The following TRDMT1 variants were observed in gnomAD, a reference collection of about 807,000 sequenced individuals.
The protein encoded by TRDMT1 is tRNA (cytosine(38)-C(5))-methyltransferase.
Under a neutral mutation model 51.2 loss-of-function variants are expected in TRDMT1, and 49 were observed. The observed-to-expected ratio is 0.96, with a 90% CI of 0.76 to 1.21. The LOEUF (loss-of-function observed/expected upper bound fraction) is 1.21, where lower values mean the gene tolerates loss of function less well. TRDMT1 is among the 50% of genes most tolerant of loss of function. TRDMT1 has a pLI of 0.00. For synonymous variants in TRDMT1, 187 were observed against 164.6 expected, an observed-to-expected ratio of 1.14 and a Z score of -1.04; for missense variants, 534 against 462.3, an observed-to-expected ratio of 1.16 and a Z score of -1.42.
Position 17,146,550 on chromosome 10 carries a change from A to G in TRDMT1, c.*2490T>C. ...GTTTTGGATCCTGAAGACATACTAA[A>G]AATATGAAGCAGGGTAATAAATACC... is the stretch of plus-strand genomic sequence containing the variant. On this transcript the variant is annotated 3_prime_UTR_variant, in exon 11 of 11. Coordinates refer to ENST00000377799, the MANE Select transcript of TRDMT1 (RefSeq NM_004412.7). 2.0e-6 allele frequency: 2 copies of G among 985,104 alleles called. No homozygotes were observed. The highest frequency in any genetic ancestry group is 1.2e-6 in the Non-Finnish European group (1 of 829,594). The allele number at this position is 985,104 out of a possible 1,614,324, so 61.0% of individuals were successfully genotyped here.
Position 17,146,561 on chromosome 10 carries a change from A to G in TRDMT1, c.*2479T>C. The G allele has an allele frequency of 2.0e-6, 2 of 985,154 alleles. No individual in the cohort carries two copies. The highest frequency in any genetic ancestry group is 4.7e-5 in the South Asian group (1 of 21,284). 61.0% of individuals were successfully genotyped at this position (985,154 alleles called of 1,614,324 possible). On this transcript the variant is annotated 3_prime_UTR_variant, in exon 11 of 11. Transcript: ENST00000377799. ...TGAAGACATACTAAAAATATGAAGC[A>G]GGGTAATAAATACCTTACAATTATC...
In TRDMT1 at chr10:17,137,903, AG is replaced by A. The variant is rs1485163716; in HGVS notation, c.*11136del. On this transcript the variant is annotated 3_prime_UTR_variant, in exon 11 of 11. Coordinates refer to ENST00000377799, the MANE Select transcript of TRDMT1 (RefSeq NM_004412.7). ...ACCTTGAAGGAAAGTGGCTGGGTAA[AG>A]GAAGAGACATCGACAGAAGGCCTTA... is the stretch of plus-strand genomic sequence containing the variant. 6.6e-6 allele frequency among the ~76,000 whole-genome samples: 1 copy of A among 152,172 alleles called. No individual in the cohort carries two copies. The highest frequency in any genetic ancestry group is 1.5e-5 in the Non-Finnish European group (1 of 68,030).
chr10:17,148,464 G>A lies in TRDMT1; in HGVS notation c.*576C>T. The stretch of plus-strand genomic sequence containing the variant: ...CCAACAGTTTCTGTGGCCGCTTCAT[G>A]GAGAGGTAATCAAACATTTAGGATT... On this transcript the variant is annotated 3_prime_UTR_variant, in exon 11 of 11. Coordinates refer to ENST00000377799, the MANE Select transcript of TRDMT1 (RefSeq NM_004412.7). The A allele has an allele frequency of 1.0e-6, 1 of 985,422 alleles. No individual in the cohort carries two copies. The highest frequency in any genetic ancestry group is 1.2e-6 in the Non-Finnish European group (1 of 829,928). The allele number at this position is 985,422 out of a possible 1,614,324, so 61.0% of individuals were successfully genotyped here. A position where few individuals can be genotyped will look rare whatever the true frequency, so the allele number is the denominator to read the frequency against.
rs7074891 is a variant in TRDMT1 at position 17,146,475 on chromosome 10, C to T, written c.*2565G>A. On this transcript the variant is annotated 3_prime_UTR_variant, in exon 11 of 11. Coordinates refer to ENST00000377799, the MANE Select transcript of TRDMT1 (RefSeq NM_004412.7). ...CCACCTCTTCGAAATCATTTTCCAA[C>T]TATGACTCATTTTGTTTACATTAAT... 971,842 of 985,376 alleles carry T rather than the reference C, an allele frequency of 0.99. 480,023 individuals are homozygous for T. Among genetic ancestry groups the T allele is most frequent in the Non-Finnish European group, 1 (828,442 of 829,940 alleles). The allele number at this position is 985,376 out of a possible 1,614,324, so 61.0% of individuals were successfully genotyped here.
chr10:17,177,929 A>C (rs1842817440), intron 1 of TRDMT1, among the ~76,000 whole-genome samples: 1 of 152,206 alleles, frequency 6.6e-6, no homozygotes, highest in South Asian at 2.1e-4. Context: ...TGTGGGAAAA[A>C]AATCAATATT....
intron 2 of TRDMT1, among the ~76,000 whole-genome samples, chr10:17,170,415 T>C (rs898996389): frequency 6.6e-6 from 1 of 152,230 alleles, no homozygotes; most frequent in African/African-American, 2.4e-5. Flanking sequence ...TATATGACTA[T>C]ACAAGTTAAG....
intron 1 of TRDMT1, among the ~76,000 whole-genome samples, chr10:17,197,960 G>C (rs898311925): frequency 1.3e-5 from 2 of 151,998 alleles, no homozygotes; most frequent in African/African-American, 4.8e-5. Context: ...CTTGAACCCG[G>C]GAGACGGAGG....
At chr10:17,149,433 A>G (rs1838410186) in intron 10 of TRDMT1, among the ~76,000 whole-genome samples, 1 of 152,168 alleles carries the variant, frequency 6.6e-6, no homozygotes, top group South Asian at 2.1e-4. Context: ...CACTTTTTAA[A>G]AAAGCTGTGG....
rs960325225 is a variant in TRDMT1 at position 17,145,509 on chromosome 10, T to C, written c.*3531A>G. 29 of 985,318 alleles carry C rather than the reference T, an allele frequency of 2.9e-5. No individual in the cohort carries two copies. The highest frequency in any genetic ancestry group is 6.1e-5 in the Admixed American group (1 of 16,268). 61.0% of individuals were successfully genotyped at this position (985,318 alleles called of 1,614,324 possible). A position where few individuals can be genotyped will look rare whatever the true frequency, so the allele number is the denominator to read the frequency against. On this transcript the variant is annotated 3_prime_UTR_variant, in exon 11 of 11. Transcript: ENST00000377799. ...GGCTACAAGAAAACTGCTGAGGCTATATGACCCTCACACAGTTTCAAAGTC... is the reference window on the plus strand; with the variant it reads ...GGCTACAAGAAAACTGCTGAGGCTACATGACCCTCACACAGTTTCAAAGTC...
At position 17,146,050 on chromosome 10, in the gene TRDMT1, C is replaced by T. The variant is rs1274900164; in HGVS notation, c.*2990G>A. ...TTGAATTGCCTGCACTCATCTCTAA[C>T]CCCATCCAATTTTACATCCCACATG... On this transcript the variant is annotated 3_prime_UTR_variant, in exon 11 of 11. Coordinates refer to ENST00000377799, the MANE Select transcript of TRDMT1 (RefSeq NM_004412.7). 3 of 985,282 alleles carry T rather than the reference C, an allele frequency of 3.0e-6. No homozygotes were observed. Among genetic ancestry groups the T allele is most frequent in the African/African-American group, 1.7e-5 (1 of 57,230 alleles). The allele number at this position is 985,282 out of a possible 1,614,324, so 61.0% of individuals were successfully genotyped here. A position where few individuals can be genotyped will look rare whatever the true frequency, so the allele number is the denominator to read the frequency against.
chr10:17,160,739 G>A (rs890940074), intron 5 of TRDMT1, among the ~76,000 whole-genome samples: 1 of 152,142 alleles, frequency 6.6e-6, no homozygotes. Flanking sequence ...CCAAAGTGCT[G>A]GGATTACAGG....
At position 17,151,472 on chromosome 10, in the gene TRDMT1, C is replaced by G. The variant is rs1177823241; in HGVS notation, c.1075+2035G>C. ...CATCATTGCCAGTAGACAAACAGCT[C>G]AAACAATGCCCATTTTTGGACCCAG... On this transcript the variant is annotated intron_variant, in intron 10 of 10. Coordinates refer to ENST00000377799, the MANE Select transcript of TRDMT1 (RefSeq NM_004412.7). 6.1e-6 allele frequency: 6 copies of G among 975,946 alleles called. 1 individual carries two copies. Among genetic ancestry groups the G allele is most frequent in the South Asian group, 4.8e-5 (1 of 21,052 alleles). The allele number at this position is 975,946 out of a possible 1,614,324, so 60.5% of individuals were successfully genotyped here. A position where few individuals can be genotyped will look rare whatever the true frequency, so the allele number is the denominator to read the frequency against.
intron 3 of TRDMT1, among the ~76,000 whole-genome samples, chr10:17,166,602 G>A (rs746208306): frequency 2.0e-4 from 31 of 152,152 alleles, no homozygotes; most frequent in Admixed American, 1.2e-3. Context: ...ATACCTGATG[G>A]CAGGACCAAA....
chr10:17,162,185 T>A lies in TRDMT1; in HGVS notation c.304A>T (p.Ile102Phe), dbSNP rs747363943. ...TTTTACCTTGGGAGAATATCTAGAA[T>A]ATGTAAGAAGCTATTCGTCCTTGAA... ...TDSRTNSFLH[I>F]LDILPRLQKL... is the part of the protein sequence containing the mutation. The change falls in exon 4 of 11, where the codon ATT becomes TTT. Residue 102 changes from isoleucine to phenylalanine, a missense_variant. Physicochemically the swap from Ile to Phe is conservative, Grantham distance 21 (BLOSUM62 0). Transcript: ENST00000377799. The A allele has an allele frequency of 1.2e-6, 2 of 1,607,940 alleles. No individual in the cohort carries two copies. The highest frequency in any genetic ancestry group is 1.7e-5 in the Admixed American group (1 of 59,408).
rs777951298 is a variant in TRDMT1, at chr10:17,148,994, A to T, written c.*46T>A. ...AACAGAATTTCAGAATTACTCTCTGAAAATGAAGGAATATCATATGACCAT... is the reference window on the plus strand; with the variant it reads ...AACAGAATTTCAGAATTACTCTCTGTAAATGAAGGAATATCATATGACCAT... On this transcript the variant is annotated 3_prime_UTR_variant, in exon 11 of 11. Coordinates refer to ENST00000377799, the MANE Select transcript of TRDMT1 (RefSeq NM_004412.7). 6.6e-7 allele frequency: 1 copy of T among 1,516,710 alleles called. No individual in the cohort carries two copies. The highest frequency in any genetic ancestry group is 1.3e-5 in the South Asian group (1 of 77,450). 94.0% of individuals were successfully genotyped at this position (1,516,710 alleles called of 1,614,324 possible).
At chr10:17,197,998 C>G (rs2131635268) in intron 1 of TRDMT1, among the ~76,000 whole-genome samples, 1 of 151,308 alleles carries the variant, frequency 6.6e-6, no homozygotes, top group East Asian at 1.9e-4. Context: ...CGCGCCACTG[C>G]ACTCCAGCCT....
chr10:17,201,367 G>A (rs970756312), intron 1 of TRDMT1: 2 of 520,534 alleles, frequency 3.8e-6, no homozygotes, highest in African/African-American at 4.0e-5. Flanking sequence ...AGCCAGACTC[G>A]GCGCCAGGAG....
intron 1 of TRDMT1, among the ~76,000 whole-genome samples, chr10:17,178,423 T>A (rs1430143712): frequency 2.0e-5 from 3 of 152,140 alleles, no homozygotes; most frequent in Non-Finnish European, 2.9e-5. Flanking sequence ...CACCTGTAAT[T>A]CCAGCACTTT....
At chr10:17,171,454 G>A (rs1396227647) in intron 2 of TRDMT1, 4 of 152,100 alleles carry the variant, frequency 2.6e-5, no homozygotes, top group African/African-American at 7.2e-5. Flanking sequence ...AAATGGAACC[G>A]AGAGAGTGGC....
Sources: gnomAD v4.1 joint callset for allele counts (sites outside exome capture counted in the v4.1 genomes callset) on GRCh38, gnomAD v4.1.1 for gene constraint, MANE v1.5 for transcripts, NCBI Gene and HGNC (gene_info 2026-07-23, HGNC 2026-07-21) for gene names.